Variants in ETF1 observed in about 807,000 individuals in gnomAD.
ETF1 encodes eukaryotic peptide chain release factor subunit 1.
In ETF1, 4 loss-of-function variants were observed where a neutral mutation model predicts 55.1. The observed-to-expected ratio is 0.07, with a 90% confidence interval of 0.04 to 0.17. The LOEUF is 0.17. Among genes scored for constraint, ETF1 ranks in the 10% least tolerant of loss-of-function variants. The pLI, the probability that ETF1 is intolerant of heterozygous loss-of-function variation, is 1.00. For missense variants in ETF1, 142 were observed against 523.6 expected, an observed-to-expected ratio of 0.27 and a Z score of 7.11; for synonymous variants, 157 against 182.3, an observed-to-expected ratio of 0.86 and a Z score of 1.12.
At chr5:138,530,608 T>C (rs1017816278) in intron 2 of ETF1, among the ~76,000 whole-genome samples, 4 of 151,658 alleles carry the variant, frequency 2.6e-5, no homozygotes, top group Non-Finnish European at 5.9e-5. Context: ...AGTCTCACTC[T>C]TGTCTCCTAG....
chr5:138,530,523 C>T (rs1476931745), intron 2 of ETF1, among the ~76,000 whole-genome samples: 1 of 151,974 alleles, frequency 6.6e-6, no homozygotes, highest in African/African-American at 2.4e-5. Context: ...AATTATCCAC[C>T]CACCTCAGTC....
intron 6 of ETF1, 162 bp downstream of exon 6, chr5:138,512,602 G>A (rs1764864012): frequency 3.6e-6 from 2 of 554,672 alleles, no homozygotes; most frequent in Non-Finnish European, 6.0e-6. Flanking sequence ...AAAGCACAGG[G>A]GAATGTTTCC....
chr5:138,529,581 G>C (rs1409663701), intron 2 of ETF1: 1 of 985,192 alleles, frequency 1.0e-6, no homozygotes, highest in Non-Finnish European at 1.2e-6. Context: ...AAGCTCCCAG[G>C]GGCCTCTGCA....
chr5:138,540,491 A>G (rs1267382680), intron 2 of ETF1, among the ~76,000 whole-genome samples: 1 of 152,202 alleles, frequency 6.6e-6, no homozygotes, highest in Non-Finnish European at 1.5e-5. Context: ...CTAGAGTCTG[A>G]CTTTAACACA....
intron 2 of ETF1, among the ~76,000 whole-genome samples, chr5:138,525,138 G>C (rs918671204): frequency 2.0e-5 from 3 of 151,232 alleles, no homozygotes; most frequent in African/African-American, 7.3e-5. Flanking sequence ...ATCATGTTAA[G>C]AAAAACCAGC....
intron 2 of ETF1, among the ~76,000 whole-genome samples, chr5:138,528,135 T>G (rs561542423): frequency 6.6e-6 from 1 of 152,150 alleles, no homozygotes; most frequent in African/African-American, 2.4e-5. Context: ...TTACAGAGAA[T>G]AGTTTCCTAA....
At chr5:138,522,593 C>A (rs974983911) in intron 2 of ETF1, among the ~76,000 whole-genome samples, 6 of 149,524 alleles carry the variant, frequency 4.0e-5, no homozygotes, top group Admixed American at 6.6e-5. Flanking sequence ...AAAAAAAAAA[C>A]AAAACAAACG....
Position 138,518,797 on chromosome 5 carries a change from C to A in ETF1, c.157G>T (p.Ala53Ser), listed in dbSNP as rs377648364. 1 of 1,614,042 alleles carries A rather than the reference C, an allele frequency of 6.2e-7. No homozygotes were observed. Residue 53 changes from alanine to serine, a missense_variant, in exon 3 of 11, where the codon GCG becomes TCG. Coordinates refer to ENST00000360541, the MANE Select transcript of ETF1 (RefSeq NM_004730.4). ...TTAGATGCAGTTCCAAACTCATCCG[C>A]TAACATTTTTGCCACTCGTGAAATC... ...DQISRVAKML[A>S]DEFGTASNIK...
At chr5:138,516,066 T>C (rs576214310) in intron 4 of ETF1, among the ~76,000 whole-genome samples, 93 of 152,174 alleles carry the variant, frequency 6.1e-4, no homozygotes, top group Non-Finnish European at 9.6e-4. Flanking sequence ...CTGATTTAGG[T>C]CACTCTAATG....
intron 2 of ETF1, among the ~76,000 whole-genome samples, chr5:138,522,530 A>G (rs1049594228): frequency 6.6e-6 from 1 of 152,120 alleles, no homozygotes; most frequent in African/African-American, 2.4e-5. Flanking sequence ...CAAAATATGT[A>G]ACACACAAAA....
chr5:138,527,332 C>T (rs1765515118), intron 2 of ETF1, among the ~76,000 whole-genome samples: 1 of 152,174 alleles, frequency 6.6e-6, no homozygotes. Flanking sequence ...AAAGACAGTA[C>T]ACAGGACAGT....
At chr5:138,518,007 A>T in intron 3 of ETF1, 1 of 334,228 alleles carries the variant, frequency 3.0e-6, no homozygotes, top group African/African-American at 2.2e-5. Flanking sequence ...TTCAAGACCA[A>T]CCTGGCCAAC....
In ETF1 at chr5:138,529,676, C is replaced by T. The variant is rs992235863; in HGVS notation, c.87-10809G>A. ...ATCAATGCTTCGCCCAGAGGGTTAA[C>T]GTCTGAAAAATCAAACAGGTGAAAA... On this transcript the variant is annotated intron_variant, in intron 2 of 10. Coordinates refer to ENST00000360541, the MANE Select transcript of ETF1 (RefSeq NM_004730.4). The T allele has an allele frequency of 2.2e-5, 22 of 984,788 alleles. No individual in the cohort carries two copies. The Admixed American group carries it at 6.1e-4, about 27-fold the overall frequency. The allele number at this position is 984,788 out of a possible 1,614,324, so 61.0% of individuals were successfully genotyped here. A position where few individuals can be genotyped will look rare whatever the true frequency, so the allele number is the denominator to read the frequency against.
intron 2 of ETF1, among the ~76,000 whole-genome samples, chr5:138,523,327 A>G (rs1765315478): frequency 6.6e-6 from 1 of 152,116 alleles, no homozygotes; most frequent in South Asian, 2.1e-4. Context: ...AGATAGAGCC[A>G]CTGCACTGCA....
rs1429428234 is a variant in ETF1 at position 138,508,190 on chromosome 5, G to C, written c.*115C>G. The C allele has an allele frequency of 7.9e-7, 1 of 1,264,512 alleles. No individual in the cohort carries two copies. The highest frequency in any genetic ancestry group is 1.5e-5 in the African/African-American group (1 of 66,624). 78.3% of individuals were successfully genotyped at this position (1,264,512 alleles called of 1,614,324 possible). The stretch of plus-strand genomic sequence containing the variant: ...TCAATATCCAATGCTCATGGATTAA[G>C]TTCTGGAAATGTTCCAATTGTAAGG... On this transcript the variant is annotated 3_prime_UTR_variant, in exon 11 of 11. Transcript: ENST00000360541.
At chr5:138,527,418 A>C (rs1765518749) in intron 2 of ETF1, among the ~76,000 whole-genome samples, 1 of 152,262 alleles carries the variant, frequency 6.6e-6, no homozygotes, top group Admixed American at 6.5e-5. Flanking sequence ...AAGGAAATTT[A>C]TGATACACTG....
chr5:138,519,686 C>T (rs1765159740), intron 2 of ETF1, among the ~76,000 whole-genome samples: 1 of 151,612 alleles, frequency 6.6e-6, no homozygotes, highest in Non-Finnish European at 1.5e-5. Context: ...AAAAATCTCT[C>T]TCTCACAAAC....
chr5:138,532,394 T>G (rs935194565), intron 2 of ETF1, among the ~76,000 whole-genome samples: 1 of 152,232 alleles, frequency 6.6e-6, no homozygotes, highest in Non-Finnish European at 1.5e-5. Context: ...TGGGTCTGTT[T>G]CTACTTACTT....
At chr5:138,512,242 A>G (rs1581018248) in intron 6 of ETF1, among the ~76,000 whole-genome samples, 1 of 6,880 alleles carries the variant, frequency 1.5e-4, no homozygotes, top group African/African-American at 3.8e-4. Context: ...ATATATATAT[A>G]TATATATATA....
Sources: gnomAD v4.1 joint callset for allele counts (sites outside exome capture counted in the v4.1 genomes callset) on GRCh38, gnomAD v4.1.1 for gene constraint, MANE v1.5 for transcripts, NCBI Gene and HGNC (gene_info 2026-07-23, HGNC 2026-07-21) for gene names.